GALNT13: variants seen among roughly 807,000 people sequenced by gnomAD.
GALNT13 encodes the protein UDP-GalNAc:polypeptide N-acetylgalactosaminyltransferase 13.
Under a neutral mutation model 64.2 loss-of-function variants are expected in GALNT13, and 28 were observed. That is an observed-to-expected ratio of 0.44 (90% CI 0.32 to 0.60). The LOEUF is 0.60. Among genes scored for constraint, GALNT13 ranks in the 20% least tolerant of loss-of-function variants. The pLI is 0.05. For missense variants in GALNT13, 577 were observed against 669.8 expected (o/e 0.86, Z 1.53); for synonymous variants, 214 against 224.6 (o/e 0.95, Z 0.42).
At chr2:153,360,305 G>A in the GALNT13 span, among the ~76,000 whole-genome samples, 1 of 152,216 alleles carries the variant, frequency 6.6e-6, no homozygotes, top group African/African-American at 2.4e-5. Context: ...GATCCCACTA[G>A]TGAGCCCATA....
chr2:153,945,296 G>A (rs1691644734), intron 3 of GALNT13, among the ~76,000 whole-genome samples: 1 of 152,124 alleles, frequency 6.6e-6, no homozygotes, highest in African/African-American at 2.4e-5. Context: ...TAAAGCCATA[G>A]AGATTTGTTT....
intron 12 of GALNT13, among the ~76,000 whole-genome samples, chr2:154,447,228 A>G (rs1701635901): frequency 6.6e-6 from 1 of 151,992 alleles, no homozygotes; most frequent in East Asian, 1.9e-4. Flanking sequence ...CAAATATGGC[A>G]TATCCTTTCT....
chr2:153,322,024 A>C, the GALNT13 span, among the ~76,000 whole-genome samples: 1 of 149,266 alleles, frequency 6.7e-6, no homozygotes, highest in Non-Finnish European at 1.5e-5. Context: ...AAAAACTATG[A>C]ATTTTTTTTT....
At chr2:154,275,041 AG>A (rs1691565820) in intron 8 of GALNT13, among the ~76,000 whole-genome samples, 1 of 152,168 alleles carries the variant, frequency 6.6e-6, no homozygotes, top group Admixed American at 6.5e-5. Context: ...CCTGCCCTAA[AG>A]ATCTGTGGAA....
the GALNT13 span, among the ~76,000 whole-genome samples, chr2:153,760,663 A>G: frequency 6.6e-6 from 1 of 152,156 alleles, no homozygotes; most frequent in Non-Finnish European, 1.5e-5. Flanking sequence ...GATGTAATCT[A>G]TCCTGGAGAA....
At chr2:153,369,210 A>G in the GALNT13 span, among the ~76,000 whole-genome samples, 1 of 152,086 alleles carries the variant, frequency 6.6e-6, no homozygotes, top group African/African-American at 2.4e-5. Context: ...AGCTTTTTTT[A>G]GGAAAAATTT....
the GALNT13 span, among the ~76,000 whole-genome samples, chr2:153,138,242 T>C: frequency 6.6e-6 from 1 of 152,088 alleles, no homozygotes; most frequent in Non-Finnish European, 1.5e-5. Context: ...ATGCTGACTG[T>C]GAAGAGTATG....
chr2:154,354,622 T>C (rs901259449), intron 9 of GALNT13, among the ~76,000 whole-genome samples: 15 of 151,934 alleles, frequency 9.9e-5, no homozygotes, highest in Admixed American at 2.6e-4. Flanking sequence ...TCTCACTTTT[T>C]TTTTTTTTGA....
the GALNT13 span, among the ~76,000 whole-genome samples, chr2:153,686,409 CTG>C: frequency 6.6e-6 from 1 of 151,632 alleles, no homozygotes; most frequent in Non-Finnish European, 1.5e-5. Flanking sequence ...TTTGTGGCAA[CTG>C]TGAATGCTAG....
chr2:153,312,311 C>T, the GALNT13 span, among the ~76,000 whole-genome samples: 9 of 152,186 alleles, frequency 5.9e-5, no homozygotes, highest in South Asian at 6.2e-4. Flanking sequence ...TTCCATGACA[C>T]GGGGGATGCT....
Position 154,177,481 on chromosome 2 carries a change from A to G in GALNT13, c.311+36976A>G, listed in dbSNP as rs538223134. On this transcript the variant is annotated intron_variant, in intron 4 of 12. Coordinates refer to ENST00000392825, the MANE Select transcript of GALNT13 (RefSeq NM_052917.4). ...CTTGTGATACTACAATGGTGGATAC[A>G]TGTCATTATCCAATGGTGAATCCAT... Among the ~76,000 whole-genome samples, 7 of 152,312 alleles carry G rather than the reference A, an allele frequency of 4.6e-5. No homozygotes were observed. The East Asian group carries it at 1.4e-3, about 29-fold the overall frequency.
chr2:153,828,838 A>T, the GALNT13 span, among the ~76,000 whole-genome samples: 5 of 152,140 alleles, frequency 3.3e-5, no homozygotes, highest in Admixed American at 3.3e-4. Flanking sequence ...ATAAAACTGA[A>T]TGCCTTTAAC....
chr2:153,974,009 C>G (rs2105135947), intron 3 of GALNT13, among the ~76,000 whole-genome samples: 1 of 152,162 alleles, frequency 6.6e-6, no homozygotes, highest in South Asian at 2.1e-4. Flanking sequence ...GATTTATAGA[C>G]TTTTACTTTG....
At position 154,365,029 on chromosome 2, in the gene GALNT13, T is replaced by C. The variant is rs1237675620; in HGVS notation, c.1157-30962T>C. Reference sequence around the variant, plus strand: ...CTTGTACTTTTTGCAAAAATATAACTGCCAGTTTAGCACCTACTAGACAAA... The same window carrying C: ...CTTGTACTTTTTGCAAAAATATAACCGCCAGTTTAGCACCTACTAGACAAA... On this transcript the variant is annotated intron_variant, in intron 9 of 12. Coordinates refer to ENST00000392825, the MANE Select transcript of GALNT13 (RefSeq NM_052917.4). Among the ~76,000 whole-genome samples, 3 of 152,340 alleles carry C rather than the reference T, an allele frequency of 2.0e-5. No homozygotes were observed. The East Asian group carries it at 5.8e-4, about 29-fold the overall frequency.
the GALNT13 span, among the ~76,000 whole-genome samples, chr2:153,197,782 C>G: frequency 6.6e-6 from 1 of 152,220 alleles, no homozygotes; most frequent in African/African-American, 2.4e-5. Context: ...AGGTGGGTTA[C>G]AAGCTCTAGG....
the GALNT13 span, among the ~76,000 whole-genome samples, chr2:153,680,986 T>C: frequency 2.0e-5 from 3 of 151,950 alleles, no homozygotes; most frequent in African/African-American, 4.8e-5. Context: ...TTCAGGGCCG[T>C]AGGCCAAGAC....
the GALNT13 span, among the ~76,000 whole-genome samples, chr2:153,536,005 G>C: frequency 6.6e-6 from 1 of 152,178 alleles, no homozygotes; most frequent in African/African-American, 2.4e-5. Context: ...TCAGTTATCT[G>C]ACTCGGGGCA....
At chr2:153,447,579 A>G in the GALNT13 span, among the ~76,000 whole-genome samples, 3 of 152,214 alleles carry the variant, frequency 2.0e-5, no homozygotes, top group African/African-American at 7.2e-5. Context: ...TTACTCTGGT[A>G]GTAGCCTATG....
At chr2:153,081,307 G>A in the GALNT13 span, among the ~76,000 whole-genome samples, 1 of 151,968 alleles carries the variant, frequency 6.6e-6, no homozygotes, top group Non-Finnish European at 1.5e-5. Context: ...TGTGAAATAA[G>A]CACATGATGG....
Sources: gnomAD v4.1 joint callset for allele counts (sites outside exome capture counted in the v4.1 genomes callset) on GRCh38, gnomAD v4.1.1 for gene constraint, MANE v1.5 for transcripts, NCBI Gene and HGNC (gene_info 2026-07-23, HGNC 2026-07-21) for gene names.